XPNPEP1: variants seen among roughly 807,000 people sequenced by gnomAD.
XPNPEP1 encodes the protein X-prolyl aminopeptidase 1.
XPNPEP1 carries 39 observed loss-of-function variants against 92.4 expected under a neutral mutation model. That is an observed-to-expected ratio of 0.42 (90% CI 0.33 to 0.55). The LOEUF (loss-of-function observed/expected upper bound fraction) is 0.55. Ranked by LOEUF, XPNPEP1 falls within the 20% of genes least tolerant of loss-of-function variation. The pLI is 0.08. For synonymous variants in XPNPEP1, 307 were observed against 299.4 expected (o/e 1.03, Z -0.26); for missense variants, 654 against 856.1 (o/e 0.76, Z 2.95).
intron 3 of XPNPEP1, among the ~76,000 whole-genome samples, chr10:109,906,991 A>G (rs1217307305): frequency 1.3e-5 from 2 of 152,186 alleles, no homozygotes; most frequent in African/African-American, 4.8e-5. Context: ...GTGCATGTAC[A>G]TCTAAACTCC....
At chr10:109,868,472 A>G in intron 20 of XPNPEP1, 142 bp downstream of exon 20, 3 of 731,660 alleles carry the variant, frequency 4.1e-6, no homozygotes, top group Non-Finnish European at 6.6e-6. Flanking sequence ...TTTCAGACTC[A>G]ACTGGCCTAG....
chr10:109,918,870 A>G (rs751005072), intron 1 of XPNPEP1, among the ~76,000 whole-genome samples: 7,403 of 57,116 alleles, frequency 0.13, 218 homozygotes, highest in East Asian at 0.23. Context: ...GAAGGAAGGA[A>G]GGAAGGAAGG....
intron 10 of XPNPEP1, 36 bp from the exon 11 acceptor site, chr10:109,880,967 C>T (rs760624641): frequency 4.3e-5 from 68 of 1,590,070 alleles, no homozygotes; most frequent in Middle Eastern, 1.7e-4. Context: ...GAAATCAAAC[C>T]GGCTCCACCC....
chr10:109,888,026 T>G, intron 7 of XPNPEP1, 23 bp downstream of exon 7: 1 of 1,611,932 alleles, frequency 6.2e-7, no homozygotes, highest in Non-Finnish European at 8.5e-7. Flanking sequence ...GGGGCCCTGC[T>G]GGGCAGAACC....
chr10:109,874,259 C>T lies in XPNPEP1; in HGVS notation c.1392-832G>A, dbSNP rs188442975. On this transcript the variant is annotated intron_variant, in intron 15 of 20. Transcript: ENST00000502935. ...GGTCTACAGCATAAGGGCTGTTTCACGAGAGACACTATCACTGGGGTTATG... is the reference window on the plus strand; with the variant it reads ...GGTCTACAGCATAAGGGCTGTTTCATGAGAGACACTATCACTGGGGTTATG... Among the ~76,000 whole-genome samples, 323 of 152,244 alleles carry T rather than the reference C, an allele frequency of 2.1e-3. 2 individuals carry two copies. The highest frequency in any genetic ancestry group is 7.4e-3 in the African/African-American group (307 of 41,552).
chr10:109,866,600 G>A (rs1847157777), intron 20 of XPNPEP1, among the ~76,000 whole-genome samples: 1 of 152,170 alleles, frequency 6.6e-6, no homozygotes, highest in African/African-American at 2.4e-5. Flanking sequence ...GGACAGCCTC[G>A]GTGGAGCCTG....
intron 2 of XPNPEP1, 57 bp from the exon 3 acceptor site, chr10:109,907,872 C>T: frequency 6.2e-7 from 1 of 1,604,328 alleles, no homozygotes; most frequent in Non-Finnish European, 8.5e-7. Context: ...ATTCAACGTC[C>T]AGTTCGAAGT....
chr10:109,873,174 A>T (rs554762094), intron 16 of XPNPEP1, among the ~76,000 whole-genome samples, 193 bp downstream of exon 16: 4 of 152,340 alleles, frequency 2.6e-5, no homozygotes, highest in African/African-American at 9.6e-5. Flanking sequence ...TGCTTTAAAA[A>T]TTTCTCCAAA....
At position 109,894,632 on chromosome 10, in the gene XPNPEP1, T is replaced by C. The variant is rs568517563; in HGVS notation, c.247-1557A>G. On this transcript the variant is annotated intron_variant, in intron 3 of 20. Coordinates refer to ENST00000502935, the MANE Select transcript of XPNPEP1 (RefSeq NM_020383.4). ...CTCAAACCAGCCTCCAGGGAGATAC[T>C]AGAAGGGCCAGCATAGAGAACCACA... Among the ~76,000 whole-genome samples the C allele has an allele frequency of 3.3e-5, 5 of 150,654 alleles. No homozygotes were observed. In the East Asian group the frequency reaches 5.8e-4, roughly 18 times the overall value.
At chr10:109,888,635 G>A (rs1848536136) in intron 5 of XPNPEP1, 40 bp from the exon 6 acceptor site, 1 of 1,495,854 alleles carries the variant, frequency 6.7e-7, no homozygotes, top group Non-Finnish European at 9.1e-7. Flanking sequence ...TTCCCAGTGG[G>A]CCCACGCTCA....
intron 2 of XPNPEP1, among the ~76,000 whole-genome samples, chr10:109,910,716 T>A (rs2133544431): frequency 6.6e-6 from 1 of 152,356 alleles, no homozygotes; most frequent in East Asian, 1.9e-4. Context: ...TAATCATGAA[T>A]AAAGCTGCTA....
chr10:109,879,880 TATA>T (rs1466363612), intron 12 of XPNPEP1, among the ~76,000 whole-genome samples: 1 of 152,202 alleles, frequency 6.6e-6, no homozygotes, highest in Non-Finnish European at 1.5e-5. Context: ...TCAGCTTGCC[TATA>T]ATAATATTAT....
At chr10:109,901,689 A>G (rs2133494414) in intron 3 of XPNPEP1, among the ~76,000 whole-genome samples, 1 of 152,388 alleles carries the variant, frequency 6.6e-6, no homozygotes, top group Non-Finnish European at 1.5e-5. Context: ...AAATTGAAAT[A>G]CAAATTTAAA....
At chr10:109,899,162 G>C (rs1035779976) in intron 3 of XPNPEP1, among the ~76,000 whole-genome samples, 3 of 152,162 alleles carry the variant, frequency 2.0e-5, no homozygotes, top group African/African-American at 7.2e-5. Context: ...GGGAAAAACT[G>C]ACAGTTGTCC....
intron 5 of XPNPEP1, among the ~76,000 whole-genome samples, chr10:109,890,156 C>T (rs549067322): frequency 6.6e-6 from 1 of 152,264 alleles, no homozygotes; most frequent in Non-Finnish European, 1.5e-5. Flanking sequence ...GAGGAGGACT[C>T]ACTCCCTCTG....
chr10:109,912,197 C>T (rs1177936493), intron 2 of XPNPEP1, among the ~76,000 whole-genome samples: 1 of 152,148 alleles, frequency 6.6e-6, no homozygotes. Context: ...GCTACCTACC[C>T]CCATCAACAC....
rs371130746 is a variant in XPNPEP1, at chr10:109,865,288, G to C, written c.1897C>G (p.Leu633Val). Reference sequence around the variant, plus strand: ...TTCCCAATCACATCCCTGCAGGTCAGGTGGTAATTGTTGAGCCAGTCGCAC... The same window carrying C: ...TTCCCAATCACATCCCTGCAGGTCACGTGGTAATTGTTGAGCCAGTCGCAC... ...KECDWLNNYH[L>V]TCRDVIGKEL... Residue 633 changes from leucine to valine, a missense_variant, in exon 21 of 21, where the codon CTG becomes GTG. Coordinates refer to ENST00000502935, the MANE Select transcript of XPNPEP1 (RefSeq NM_020383.4). 1.8e-5 allele frequency: 29 copies of C among 1,614,184 alleles called. No homozygotes were observed. The highest frequency in any genetic ancestry group is 1.1e-4 in the African/African-American group (8 of 75,042).
chr10:109,875,554 G>A lies in XPNPEP1; in HGVS notation c.1365C>T (p.Tyr455=), dbSNP rs1489001418. The A allele has an allele frequency of 1.2e-6, 2 of 1,613,984 alleles. No homozygotes were observed. Among genetic ancestry groups the A allele is most frequent in the Non-Finnish European group, 1.7e-6 (2 of 1,180,002 alleles). The change falls in exon 15 of 21, where the codon TAC becomes TAT. Residue 455 remains tyrosine (Y), a synonymous_variant. Transcript: ENST00000502935. ...TNRTLSLDEV[Y]LIDSGAQYKD... Reference sequence around the variant, plus strand: ...TGTATTGAGCACCCGAGTCAATAAGGTACACCTCATCCAGGGACAAGGTCC... The same window carrying A: ...TGTATTGAGCACCCGAGTCAATAAGATACACCTCATCCAGGGACAAGGTCC...
chr10:109,898,738 T>G (rs1849116843), intron 3 of XPNPEP1, among the ~76,000 whole-genome samples: 1 of 152,250 alleles, frequency 6.6e-6, no homozygotes, highest in Non-Finnish European at 1.5e-5. Flanking sequence ...ACTAAGAGGC[T>G]TGAACTTTAT....
Sources: allele counts gnomAD v4.1 joint callset (sites outside exome capture counted in the v4.1 genomes callset), GRCh38; gene constraint gnomAD v4.1.1; transcripts MANE v1.5; gene names NCBI Gene and HGNC (gene_info 2026-07-23, HGNC 2026-07-21).